Variants in COMMD1 observed in about 807,000 individuals in gnomAD.
The protein encoded by COMMD1 is COMM domain-containing protein 1.
In COMMD1, 10 loss-of-function variants were observed where a neutral mutation model predicts 17.2. That is an observed-to-expected ratio of 0.58 (90% CI 0.36 to 0.99). The LOEUF (loss-of-function observed/expected upper bound fraction) is 0.99, where lower values mean the gene tolerates loss of function less well. COMMD1 is among the 50% of genes least tolerant of loss of function. COMMD1 has a pLI of 0.01. For synonymous variants in COMMD1, 97 were observed against 91.6 expected, an observed-to-expected ratio of 1.06 and a Z score of -0.34; for missense variants, 270 against 231.8, an observed-to-expected ratio of 1.17 and a Z score of -1.07.
intron 1 of COMMD1, among the ~76,000 whole-genome samples, chr2:61,959,081 T>C (rs868464616): frequency 6.6e-6 from 1 of 152,352 alleles, no homozygotes; most frequent in African/African-American, 2.4e-5. Flanking sequence ...TTATTTTTGC[T>C]CATTTAGTTA....
intron 1 of COMMD1, among the ~76,000 whole-genome samples, chr2:61,945,368 G>T (rs1260590701): frequency 6.6e-6 from 1 of 152,222 alleles, no homozygotes; most frequent in Non-Finnish European, 1.5e-5. Flanking sequence ...ATAAACTTTA[G>T]ATCTTGACCA....
chr2:61,931,456 A>G (rs1181934169), intron 1 of COMMD1, among the ~76,000 whole-genome samples: 2 of 152,210 alleles, frequency 1.3e-5, no homozygotes, highest in Non-Finnish European at 2.9e-5. Flanking sequence ...CTTTTTGGCA[A>G]AGCCTTCAGT....
intron 1 of COMMD1, among the ~76,000 whole-genome samples, chr2:61,979,306 G>A (rs182139177): frequency 1.2e-4 from 18 of 152,090 alleles, no homozygotes; most frequent in Middle Eastern, 3.4e-3. Context: ...GTGAAACCCC[G>A]TCTCTACTAA....
At chr2:62,017,348 A>C (rs930954946) in intron 2 of COMMD1, among the ~76,000 whole-genome samples, 1 of 152,178 alleles carries the variant, frequency 6.6e-6, no homozygotes, top group Admixed American at 6.5e-5. Context: ...TTCTTAGTCT[A>C]AAGAAAACAG....
intron 1 of COMMD1, among the ~76,000 whole-genome samples, chr2:61,914,794 G>A (rs545224035): frequency 4.0e-5 from 6 of 150,852 alleles, no homozygotes; most frequent in Non-Finnish European, 5.9e-5. Flanking sequence ...GGGTTCAAGC[G>A]ATTCTCGTGT....
intron 2 of COMMD1, among the ~76,000 whole-genome samples, chr2:62,094,107 G>A (rs1490668519): frequency 6.6e-6 from 1 of 152,080 alleles, no homozygotes; most frequent in African/African-American, 2.4e-5. Context: ...TTTCCCTAGG[G>A]GAGAGTAAGA....
intron 2 of COMMD1, among the ~76,000 whole-genome samples, chr2:62,080,210 T>C (rs1386318003): frequency 1.3e-5 from 2 of 152,130 alleles, no homozygotes; most frequent in African/African-American, 2.4e-5. Context: ...CCCAGTACTT[T>C]GGGAGGCTAA....
At chr2:61,928,373 C>T (rs371790918) in intron 1 of COMMD1, among the ~76,000 whole-genome samples, 5 of 152,168 alleles carry the variant, frequency 3.3e-5, no homozygotes, top group African/African-American at 9.6e-5. Flanking sequence ...ATTGCCCAGG[C>T]TGTTCTCAAA....
intron 1 of COMMD1, among the ~76,000 whole-genome samples, chr2:61,894,550 G>A (rs996246390): frequency 1.3e-5 from 2 of 151,640 alleles, no homozygotes; most frequent in East Asian, 1.9e-4. Flanking sequence ...GAAATGTGAC[G>A]TAAATGTGGA....
chr2:62,092,986 C>T (rs1480929923), intron 2 of COMMD1, among the ~76,000 whole-genome samples: 1 of 152,110 alleles, frequency 6.6e-6, no homozygotes, highest in Non-Finnish European at 1.5e-5. Context: ...GGATGGTAGG[C>T]ACAATGGAAA....
At chr2:61,910,511 T>C (rs904261239) in intron 1 of COMMD1, among the ~76,000 whole-genome samples, 10 of 152,180 alleles carry the variant, frequency 6.6e-5, no homozygotes, top group African/African-American at 2.4e-4. Flanking sequence ...CGTCCCATAG[T>C]GTTGGGATTA....
At chr2:61,924,604 G>A (rs1353907698) in intron 1 of COMMD1, among the ~76,000 whole-genome samples, 1 of 152,182 alleles carries the variant, frequency 6.6e-6, no homozygotes, top group African/African-American at 2.4e-5. Context: ...CAGACTGACA[G>A]AGGGAAGGGC....
At chr2:62,050,344 A>T (rs1653873206) in intron 2 of COMMD1, among the ~76,000 whole-genome samples, 1 of 152,224 alleles carries the variant, frequency 6.6e-6, no homozygotes, top group African/African-American at 2.4e-5. Flanking sequence ...AGAAAATTTG[A>T]AAAACAGAAT....
Position 62,049,999 on chromosome 2 carries a change from A to G in COMMD1, c.462+49017A>G, listed in dbSNP as rs573980200. 7.9e-5 allele frequency among the ~76,000 whole-genome samples: 12 copies of G among 152,360 alleles called. No homozygotes were observed. In the East Asian group the frequency reaches 1.9e-3, roughly 24 times the overall value. On this transcript the variant is annotated intron_variant, in intron 2 of 2. Transcript: ENST00000311832. ...AAACATGATCAGTTTGGACTGACATACAGGAAGGACTTAGAAAGTAATCAA... is the reference window on the plus strand; with the variant it reads ...AAACATGATCAGTTTGGACTGACATGCAGGAAGGACTTAGAAAGTAATCAA...
intron 2 of COMMD1, among the ~76,000 whole-genome samples, chr2:62,089,347 G>T (rs1001054981): frequency 1.3e-5 from 2 of 148,408 alleles, no homozygotes; most frequent in African/African-American, 5.0e-5. Flanking sequence ...GTGCAGTGGC[G>T]TGATCTTGGC....
intron 1 of COMMD1, among the ~76,000 whole-genome samples, chr2:61,920,935 A>G (rs1264031584): frequency 4.1e-5 from 6 of 146,730 alleles, no homozygotes; most frequent in Non-Finnish European, 8.9e-5. Context: ...ATGTATACAT[A>G]TACGTGTGTT....
chr2:62,002,547 G>A (rs1053009830), intron 2 of COMMD1, among the ~76,000 whole-genome samples: 1 of 142,554 alleles, frequency 7.0e-6, no homozygotes, highest in African/African-American at 2.6e-5. Context: ...AAAATTTTTG[G>A]CCAGGCGCAG....
rs370137505 is a variant in COMMD1, at chr2:62,005,560, A to G, written c.462+4578A>G. On this transcript the variant is annotated intron_variant, in intron 2 of 2. Coordinates refer to ENST00000311832, the MANE Select transcript of COMMD1 (RefSeq NM_152516.4). Reference sequence around the variant, plus strand: ...ATATGAACAGACACTTCTCAAAAGAAGACATTTATGTAGCCAAAAGACACA... The same window carrying G: ...ATATGAACAGACACTTCTCAAAAGAGGACATTTATGTAGCCAAAAGACACA... Among the ~76,000 whole-genome samples, 1,087 of 152,378 alleles carry G rather than the reference A, an allele frequency of 7.1e-3. 17 individuals are homozygous for G. The highest frequency in any genetic ancestry group is 0.023 in the African/African-American group (974 of 41,588).
chr2:62,104,633 C>CAAAAAAAAAAAAAA (rs35679940), intron 2 of COMMD1, among the ~76,000 whole-genome samples: 4 of 76,728 alleles, frequency 5.2e-5, no homozygotes, highest in African/African-American at 2.0e-4. Context: ...GACTCCGTCT[C>CAAAAAAAAAAAAAA]AAAAAAAAAA....
Sources: allele counts gnomAD v4.1 joint callset (sites outside exome capture counted in the v4.1 genomes callset), GRCh38; gene constraint gnomAD v4.1.1; transcripts MANE v1.5; gene names NCBI Gene and HGNC (gene_info 2026-07-23, HGNC 2026-07-21).